SYNDIG1: variants seen among roughly 807,000 people sequenced by gnomAD.
SYNDIG1 encodes synapse differentiation-inducing gene protein 1.
A neutral mutation model predicts 19.4 loss-of-function variants in SYNDIG1; 9 were observed. That is an observed-to-expected ratio of 0.46 (90% CI 0.28 to 0.81). The LOEUF (loss-of-function observed/expected upper bound fraction) is 0.81, where lower values mean the gene tolerates loss of function less well. SYNDIG1 is among the 30% of genes least tolerant of loss of function. SYNDIG1 has a pLI of 0.12. For synonymous variants in SYNDIG1, 141 were observed against 145.9 expected, an observed-to-expected ratio of 0.97 and a Z score of 0.24; for missense variants, 311 against 343.3, an observed-to-expected ratio of 0.91 and a Z score of 0.74.
intron 1 of SYNDIG1, among the ~76,000 whole-genome samples, chr20:24,492,245 T>C (rs1395802024): frequency 6.6e-6 from 1 of 152,140 alleles, no homozygotes; most frequent in Non-Finnish European, 1.5e-5. Flanking sequence ...CTTGTCAGGG[T>C]TGGGGCTCTG....
At chr20:24,501,407 C>T (rs751172880) in intron 1 of SYNDIG1, among the ~76,000 whole-genome samples, 1 of 152,142 alleles carries the variant, frequency 6.6e-6, no homozygotes, top group African/African-American at 2.4e-5. Context: ...TTCCATGGAT[C>T]GAATCTGTGA....
intron 3 of SYNDIG1, among the ~76,000 whole-genome samples, chr20:24,628,466 G>A (rs1225186940): frequency 1.3e-5 from 2 of 152,202 alleles, no homozygotes; most frequent in African/African-American, 4.8e-5. Flanking sequence ...TTATAGCAGA[G>A]AAAATGAAAA....
intron 3 of SYNDIG1, among the ~76,000 whole-genome samples, chr20:24,600,484 C>A (rs1477640415): frequency 6.6e-6 from 1 of 152,160 alleles, no homozygotes; most frequent in Non-Finnish European, 1.5e-5. Flanking sequence ...CTTATCGCTG[C>A]CCTTCCTCCC....
intron 3 of SYNDIG1, among the ~76,000 whole-genome samples, chr20:24,640,899 C>T (rs1459996414): frequency 6.6e-6 from 1 of 152,228 alleles, no homozygotes; most frequent in East Asian, 1.9e-4. Flanking sequence ...GGGCAGGTGC[C>T]TGCCAGCCTG....
At chr20:24,612,403 A>T (rs2058863375) in intron 3 of SYNDIG1, among the ~76,000 whole-genome samples, 1 of 152,160 alleles carries the variant, frequency 6.6e-6, no homozygotes, top group Non-Finnish European at 1.5e-5. Context: ...GTTGACATAA[A>T]CATCCTTGTG....
At chr20:24,649,245 G>A (rs560346941) in intron 3 of SYNDIG1, among the ~76,000 whole-genome samples, 1 of 152,214 alleles carries the variant, frequency 6.6e-6, no homozygotes, top group East Asian at 1.9e-4. Flanking sequence ...TTCTGCTTTG[G>A]GTGGACACTC....
At chr20:24,650,893 T>C (rs754853035) in intron 3 of SYNDIG1, among the ~76,000 whole-genome samples, 1 of 152,206 alleles carries the variant, frequency 6.6e-6, no homozygotes, top group African/African-American at 2.4e-5. Flanking sequence ...TGGAGTGTAG[T>C]GGTGCGATCT....
chr20:24,560,312 A>G (rs188841810), intron 2 of SYNDIG1, among the ~76,000 whole-genome samples: 5 of 151,974 alleles, frequency 3.3e-5, no homozygotes, highest in Admixed American at 2.6e-4. Flanking sequence ...TCAAAATCCC[A>G]TAGCAAATAC....
chr20:24,663,977 A>G (rs2059626690), intron 3 of SYNDIG1, among the ~76,000 whole-genome samples: 1 of 152,058 alleles, frequency 6.6e-6, no homozygotes, highest in South Asian at 2.1e-4. Flanking sequence ...TCATTCATTT[A>G]TTCATTCATT....
At chr20:24,469,981 G>A (rs1339781032) in intron 1 of SYNDIG1, among the ~76,000 whole-genome samples, 3 of 152,216 alleles carry the variant, frequency 2.0e-5, no homozygotes, top group Non-Finnish European at 2.9e-5. Flanking sequence ...CGCAGGGCGG[G>A]AGGGGGAGCT....
chr20:24,607,551 G>T (rs1158944644), intron 3 of SYNDIG1, among the ~76,000 whole-genome samples: 4 of 148,090 alleles, frequency 2.7e-5, no homozygotes, highest in Non-Finnish European at 5.9e-5. Flanking sequence ...CCCTCCTGCT[G>T]CCTGGCTGTG....
At chr20:24,543,671 A>G (rs1356234601) in intron 2 of SYNDIG1, 94 bp downstream of exon 2, 1 of 1,514,518 alleles carries the variant, frequency 6.6e-7, no homozygotes, top group Non-Finnish European at 8.9e-7. Flanking sequence ...AAGTTAGGGA[A>G]TGAAACTAGT....
At chr20:24,618,257 G>T (rs375217658) in intron 3 of SYNDIG1, among the ~76,000 whole-genome samples, 3 of 149,078 alleles carry the variant, frequency 2.0e-5, no homozygotes, top group South Asian at 2.1e-4. Context: ...GCCCCGGGAG[G>T]GGGGAGAGTC....
At chr20:24,470,949 T>A (rs1487288021) in intron 1 of SYNDIG1, among the ~76,000 whole-genome samples, 2 of 150,824 alleles carry the variant, frequency 1.3e-5, no homozygotes, top group African/African-American at 4.9e-5. Flanking sequence ...GGCCGAAGGC[T>A]TGGCTGATTG....
At chr20:24,506,795 G>A (rs951615200) in intron 1 of SYNDIG1, among the ~76,000 whole-genome samples, 3 of 152,166 alleles carry the variant, frequency 2.0e-5, no homozygotes, top group Admixed American at 6.5e-5. Context: ...GTCCCACATC[G>A]GTTCCCAAAG....
At chr20:24,590,896 G>A (rs997143251) in intron 3 of SYNDIG1, among the ~76,000 whole-genome samples, 2 of 152,184 alleles carry the variant, frequency 1.3e-5, no homozygotes, top group Non-Finnish European at 2.9e-5. Flanking sequence ...CAGCACCGAG[G>A]AGCGGACTCC....
At chr20:24,628,334 A>G (rs1366012766) in intron 3 of SYNDIG1, among the ~76,000 whole-genome samples, 16 of 152,212 alleles carry the variant, frequency 1.1e-4, no homozygotes. Context: ...TGCAGTCAGC[A>G]GCCCTGACAC....
chr20:24,597,323 G>C (rs768379860), intron 3 of SYNDIG1, among the ~76,000 whole-genome samples: 1 of 152,164 alleles, frequency 6.6e-6, no homozygotes, highest in Non-Finnish European at 1.5e-5. Flanking sequence ...CCTTGTTCCT[G>C]CTATACTATT....
intron 3 of SYNDIG1, among the ~76,000 whole-genome samples, chr20:24,622,990 A>G (rs867481146): frequency 6.6e-6 from 1 of 152,204 alleles, no homozygotes; most frequent in African/African-American, 2.4e-5. Flanking sequence ...AAGAATGAGG[A>G]CATTCTCTTT....
Sources: gnomAD v4.1 joint callset for allele counts (sites outside exome capture counted in the v4.1 genomes callset) on GRCh38, gnomAD v4.1.1 for gene constraint, MANE v1.5 for transcripts, NCBI Gene and HGNC (gene_info 2026-07-23, HGNC 2026-07-21) for gene names.